The following NRXN3 variants were observed in gnomAD, a reference collection of about 807,000 sequenced individuals.
NRXN3 encodes the protein neurexin 3, also known as neurexin III.
NRXN3 carries 32 observed loss-of-function variants against 137.6 expected under a neutral mutation model. The observed-to-expected ratio is 0.23, with a 90% CI of 0.18 to 0.31. The LOEUF is 0.31. Among genes scored for constraint, NRXN3 ranks in the 10% least tolerant of loss-of-function variants. The pLI is 1.00. For synonymous variants in NRXN3, 798 were observed against 784.5 expected, an observed-to-expected ratio of 1.02 and a Z score of -0.29; for missense variants, 1,574 against 2,062.5, an observed-to-expected ratio of 0.76 and a Z score of 4.59.
intron 15 of NRXN3, among the ~76,000 whole-genome samples, chr14:79,060,640 C>T (rs1216528777): frequency 6.6e-6 from 1 of 152,128 alleles, no homozygotes; most frequent in African/African-American, 2.4e-5. Context: ...AGAAAGCACA[C>T]ATTTTTGAGT....
chr14:79,796,164 C>T (rs2140389929), intron 19 of NRXN3, among the ~76,000 whole-genome samples: 1 of 152,258 alleles, frequency 6.6e-6, no homozygotes, highest in African/African-American at 2.4e-5. Context: ...TGTATGTAAT[C>T]AACAGGCATC....
intron 16 of NRXN3, among the ~76,000 whole-genome samples, chr14:79,637,363 A>G (rs1043236649): frequency 6.6e-6 from 1 of 152,128 alleles, no homozygotes; most frequent in Non-Finnish European, 1.5e-5. Flanking sequence ...AATATACTAC[A>G]CCCAGGAATG....
intron 15 of NRXN3, among the ~76,000 whole-genome samples, chr14:79,094,093 T>C (rs1406898257): frequency 2.0e-5 from 3 of 151,986 alleles, no homozygotes; most frequent in African/African-American, 7.2e-5. Flanking sequence ...ATGAGGTCAG[T>C]TAGTGGGTAA....
chr14:78,521,492 A>G (rs1277502975), intron 4 of NRXN3, among the ~76,000 whole-genome samples: 44 of 152,212 alleles, frequency 2.9e-4, no homozygotes, highest in Admixed American at 2.9e-3. Flanking sequence ...GCTATGCAGA[A>G]GTGCTCTGCC....
chr14:79,091,903 A>G (rs772861906), intron 15 of NRXN3, among the ~76,000 whole-genome samples: 20 of 152,132 alleles, frequency 1.3e-4, no homozygotes, highest in Non-Finnish European at 2.1e-4. Flanking sequence ...TGTTATGTTT[A>G]TATTTTTGTT....
chr14:79,179,669 G>C (rs986343465), intron 15 of NRXN3, among the ~76,000 whole-genome samples: 5 of 152,146 alleles, frequency 3.3e-5, no homozygotes, highest in African/African-American at 9.7e-5. Flanking sequence ...AAAATGGAGA[G>C]GTCTGATTAT....
At chr14:79,347,374 T>C (rs1598973501) in intron 15 of NRXN3, among the ~76,000 whole-genome samples, 2 of 152,098 alleles carry the variant, frequency 1.3e-5, no homozygotes, top group East Asian at 3.9e-4. Flanking sequence ...GCCACTTTCA[T>C]AGAGTTTTCA....
At chr14:79,654,788 T>C (rs140832947) in intron 16 of NRXN3, among the ~76,000 whole-genome samples, 10 of 152,326 alleles carry the variant, frequency 6.6e-5, no homozygotes, top group African/African-American at 2.2e-4. Context: ...ATCTGAGGGA[T>C]TGACTGAAAA....
Position 79,238,160 on chromosome 14 carries a change from A to ACAAGCGG in NRXN3, c.3263-229061_3263-229060insCAAGCGG, listed in dbSNP as rs2073724366. ...CCTGGACTTACAAGCGGGTGTGCTT[A>ACAAGCGG]GTTTAATGCTCTCCTATCACCACCT... On this transcript the variant is annotated intron_variant, in intron 15 of 20. Transcript: ENST00000335750. 2.0e-5 allele frequency among the ~76,000 whole-genome samples: 3 copies of ACAAGCGG among 152,276 alleles called. No homozygotes were observed. The South Asian group carries it at 6.2e-4, about 32-fold the overall frequency.
intron 4 of NRXN3, among the ~76,000 whole-genome samples, chr14:78,324,150 G>T (rs915045245): frequency 6.6e-6 from 1 of 152,084 alleles, no homozygotes; most frequent in African/African-American, 2.4e-5. Flanking sequence ...ACTATGCTCT[G>T]CAGCCTTCAA....
At chr14:78,783,824 T>G (rs895101451) in intron 8 of NRXN3, among the ~76,000 whole-genome samples, 1 of 152,020 alleles carries the variant, frequency 6.6e-6, no homozygotes, top group African/African-American at 2.4e-5. Flanking sequence ...ATGTACCAGA[T>G]AGAAGGCCAT....
At chr14:79,054,612 C>A (rs1368439708) in intron 15 of NRXN3, among the ~76,000 whole-genome samples, 1 of 152,148 alleles carries the variant, frequency 6.6e-6, no homozygotes, top group East Asian at 1.9e-4. Flanking sequence ...AACTGAAGGC[C>A]CTGGCTGAGC....
At chr14:78,272,438 G>A (rs2072931491) in intron 2 of NRXN3, among the ~76,000 whole-genome samples, 2 of 152,218 alleles carry the variant, frequency 1.3e-5, no homozygotes, top group Non-Finnish European at 2.9e-5. Flanking sequence ...GGTGGGGCAA[G>A]TATTGCTGGC....
chr14:79,033,143 G>C (rs1362916649), intron 15 of NRXN3, among the ~76,000 whole-genome samples: 1 of 152,008 alleles, frequency 6.6e-6, no homozygotes, highest in Admixed American at 6.6e-5. Context: ...CAGGACTTCT[G>C]ACTTTTTCTT....
At chr14:78,920,951 T>G (rs1172919636) in intron 10 of NRXN3, among the ~76,000 whole-genome samples, 1 of 152,168 alleles carries the variant, frequency 6.6e-6, no homozygotes. Context: ...GAGTTTTGTG[T>G]CCAGGATTCA....
intron 16 of NRXN3, 54 bp downstream of exon 16, chr14:79,467,456 G>C: frequency 6.8e-7 from 1 of 1,468,660 alleles, no homozygotes; most frequent in Non-Finnish European, 9.3e-7. Flanking sequence ...GTCTGAGTTA[G>C]TGATTCAGGT....
intron 19 of NRXN3, among the ~76,000 whole-genome samples, chr14:79,745,060 T>C (rs534425542): frequency 6.6e-6 from 1 of 151,638 alleles, no homozygotes; most frequent in South Asian, 2.1e-4. Flanking sequence ...ACATTGTTTT[T>C]AGCTAACTCT....
chr14:79,602,812 A>G (rs549973996), intron 16 of NRXN3, among the ~76,000 whole-genome samples: 1 of 151,926 alleles, frequency 6.6e-6, no homozygotes, highest in Admixed American at 6.5e-5. Context: ...ATCAACAATT[A>G]TTTATAATTC....
chr14:79,356,616 A>G (rs1361237353), intron 15 of NRXN3, among the ~76,000 whole-genome samples: 1 of 152,184 alleles, frequency 6.6e-6, no homozygotes, highest in Admixed American at 6.5e-5. Context: ...TGCATAAAGC[A>G]GTTTCTGGTT....
Sources: allele counts gnomAD v4.1 joint callset (sites outside exome capture counted in the v4.1 genomes callset), GRCh38; gene constraint gnomAD v4.1.1; transcripts MANE v1.5; gene names NCBI Gene and HGNC (gene_info 2026-07-23, HGNC 2026-07-21).